Variants in PCDHA6 observed in about 807,000 individuals in gnomAD.
PCDHA6 encodes the protein protocadherin alpha-6.
PCDHA6 carries 55 observed loss-of-function variants against 60.3 expected under a neutral mutation model. That is an observed-to-expected ratio of 0.91 (90% CI 0.73 to 1.14). The LOEUF (loss-of-function observed/expected upper bound fraction) is 1.14, where lower values mean the gene tolerates loss of function less well. PCDHA6 is among the 50% of genes most tolerant of loss of function. The pLI, the probability that PCDHA6 is intolerant of heterozygous loss-of-function variation, is 0.00. For synonymous variants in PCDHA6, 652 were observed against 557.9 expected (o/e 1.17, Z -2.38); for missense variants, 1,327 against 1,256.5 (o/e 1.06, Z -0.85).
intron 1 of PCDHA6, chr5:140,856,542 C>T (rs1229307542): frequency 6.3e-7 from 1 of 1,598,136 alleles, no homozygotes; most frequent in Non-Finnish European, 8.6e-7. Flanking sequence ...GGAGAGAACG[C>T]ATTGCTTACT....
chr5:140,962,495 C>T (rs2153732507), intron 1 of PCDHA6, among the ~76,000 whole-genome samples: 1 of 152,240 alleles, frequency 6.6e-6, no homozygotes, highest in Admixed American at 6.5e-5. Context: ...AATTTTCAGA[C>T]ACCTCAGCCA....
At chr5:140,848,462 T>C in intron 1 of PCDHA6, 1 of 1,542,130 alleles carries the variant, frequency 6.5e-7, no homozygotes, top group Non-Finnish European at 8.8e-7. Flanking sequence ...TTGGAGGCAA[T>C]TTTCACTAAT....
At chr5:141,000,398 T>TAA in intron 3 of PCDHA6, among the ~76,000 whole-genome samples, 1 of 55,032 alleles carries the variant, frequency 1.8e-5, no homozygotes, top group African/African-American at 7.5e-5. Flanking sequence ...TCTCTCTCTA[T>TAA]ATATATATAT....
chr5:140,873,548 T>C lies in PCDHA6; in HGVS notation c.2394+43063T>C, dbSNP rs1434309989. ...GCATTCTATGGTATAAAATTATAAT[T>C]TCAATTTATTTTCTAGTTTGGTTGT... On this transcript the variant is annotated intron_variant, in intron 1 of 3. Coordinates refer to ENST00000529310, the MANE Select transcript of PCDHA6 (RefSeq NM_018909.4). Among the ~76,000 whole-genome samples, 5 of 151,990 alleles carry C rather than the reference T, an allele frequency of 3.3e-5. No individual in the cohort carries two copies. In the East Asian group the frequency reaches 7.7e-4, roughly 23 times the overall value.
At chr5:140,967,845 A>G in intron 1 of PCDHA6, 3 of 1,614,160 alleles carry the variant, frequency 1.9e-6, no homozygotes, top group Non-Finnish European at 2.5e-6. Flanking sequence ...GACGTGAATG[A>G]CAATGCCCCA....
intron 3 of PCDHA6, among the ~76,000 whole-genome samples, chr5:141,005,808 C>T (rs2153985730): frequency 6.6e-6 from 1 of 150,460 alleles, no homozygotes; most frequent in African/African-American, 2.5e-5. Context: ...CTCCAAGGAG[C>T]CAGGTATGGT....
chr5:140,897,964 T>A (rs1554187709), intron 1 of PCDHA6, among the ~76,000 whole-genome samples: 1 of 152,236 alleles, frequency 6.6e-6, no homozygotes, highest in South Asian at 2.1e-4. Flanking sequence ...TTTTCATGTG[T>A]CTTTTGGCTG....
At chr5:140,856,540 C>A (rs1554148838) in intron 1 of PCDHA6, 1 of 1,598,162 alleles carries the variant, frequency 6.3e-7, no homozygotes, top group African/African-American at 1.3e-5. Context: ...TTGGAGAGAA[C>A]GCATTGCTTA....
chr5:140,865,144 T>G (rs2048753153), intron 1 of PCDHA6: 1 of 152,224 alleles, frequency 6.6e-6, no homozygotes, highest in East Asian at 1.9e-4. Context: ...AATTTAACAT[T>G]GTATACTTTT....
intron 1 of PCDHA6, among the ~76,000 whole-genome samples, chr5:140,905,413 A>T (rs2071819141): frequency 6.6e-6 from 1 of 152,180 alleles, no homozygotes; most frequent in South Asian, 2.1e-4. Flanking sequence ...TTATACCAGT[A>T]CCATGCTGGT....
intron 1 of PCDHA6, chr5:140,857,097 T>A: frequency 6.3e-7 from 1 of 1,597,284 alleles, no homozygotes; most frequent in South Asian, 1.1e-5. Context: ...CCTGAGGTGA[T>A]TGTCACTTCT....
chr5:140,856,716 G>A, intron 1 of PCDHA6: 1 of 1,596,628 alleles, frequency 6.3e-7, no homozygotes. Context: ...GAATTTACCG[G>A]ATCTGTTTCT....
At chr5:140,876,509 A>G (rs782112140) in intron 1 of PCDHA6, 2 of 1,614,020 alleles carry the variant, frequency 1.2e-6, no homozygotes, top group South Asian at 2.2e-5. Flanking sequence ...GTGAATGACA[A>G]TGTCCCTGAA....
chr5:140,931,864 T>G (rs1554208617), intron 1 of PCDHA6, among the ~76,000 whole-genome samples: 1 of 151,976 alleles, frequency 6.6e-6, no homozygotes, highest in African/African-American at 2.4e-5. Flanking sequence ...ATTCTAGAAA[T>G]AAAATATTTA....
chr5:140,899,465 T>C (rs1291429349), intron 1 of PCDHA6, among the ~76,000 whole-genome samples: 2 of 152,232 alleles, frequency 1.3e-5, no homozygotes, highest in African/African-American at 4.8e-5. Context: ...GTTTTTGTCT[T>C]TGGTTCTGTT....
chr5:140,836,534 G>T (rs1774544367), intron 1 of PCDHA6: 1 of 1,613,844 alleles, frequency 6.2e-7, no homozygotes, highest in Non-Finnish European at 8.5e-7. Flanking sequence ...CCCTGCTGCT[G>T]TACACGGCGT....
Position 140,968,026 on chromosome 5 carries a change from A to G in PCDHA6, c.2395-10923A>G, listed in dbSNP as rs570318168. 9.3e-6 allele frequency: 15 copies of G among 1,614,066 alleles called. No individual in the cohort carries two copies. In the Admixed American group the frequency reaches 1.8e-4, roughly 20 times the overall value. On this transcript the variant is annotated intron_variant, in intron 1 of 3. Transcript: ENST00000529310. ...TGAATGGCTTTGGAAACTCCTATACACTGGTGGTGAGCGGCCCACTGGACC... is the reference window on the plus strand; with the variant it reads ...TGAATGGCTTTGGAAACTCCTATACGCTGGTGGTGAGCGGCCCACTGGACC...
intron 1 of PCDHA6, among the ~76,000 whole-genome samples, chr5:140,872,243 T>A (rs1484959006): frequency 6.6e-6 from 1 of 152,192 alleles, no homozygotes; most frequent in African/African-American, 2.4e-5. Flanking sequence ...TCTTTATTCC[T>A]GTGATAATAC....
intron 1 of PCDHA6, among the ~76,000 whole-genome samples, chr5:140,912,180 T>C (rs2075805933): frequency 6.6e-6 from 1 of 152,168 alleles, no homozygotes; most frequent in South Asian, 2.1e-4. Flanking sequence ...TGGCAGCTGA[T>C]TAGATTGTGC....
Sources: allele counts gnomAD v4.1 joint callset (sites outside exome capture counted in the v4.1 genomes callset), GRCh38; gene constraint gnomAD v4.1.1; transcripts MANE v1.5; gene names NCBI Gene and HGNC (gene_info 2026-07-23, HGNC 2026-07-21).